Variants in AACS observed in about 807,000 individuals in gnomAD.
The protein encoded by AACS is acetoacetyl-CoA synthetase, also known as acetoacetate-CoA ligase.
AACS carries 69 observed loss-of-function variants against 83.1 expected under a neutral mutation model. That is an observed-to-expected ratio of 0.83 (90% CI 0.68 to 1.01). The LOEUF (loss-of-function observed/expected upper bound fraction) is 1.01, where lower values mean the gene tolerates loss of function less well. Among genes scored for constraint, AACS ranks in the 50% least tolerant of loss-of-function variants. AACS has a pLI of 0.00. For synonymous variants in AACS, 333 were observed against 343.4 expected (o/e 0.97, Z 0.33); for missense variants, 866 against 882.2 (o/e 0.98, Z 0.23).
chr12:125,102,730 G>A lies in AACS; in HGVS notation c.622G>A (p.Glu208Lys). The part of the protein sequence containing the change: ...QIQPKLIFSV[E>K]AVVYNGKEHN... ...TCAGCCAAAGCTCATCTTCTCTGTG[G>A]AGGCTGTTGTCTATAATGGCAAAGA... The change falls in exon 6 of 18, where the codon GAG becomes AAG. Residue 208 changes from glutamate (E) to lysine (K), a missense_variant. Glu to Lys is a moderately conservative substitution (Grantham distance 56, BLOSUM62 1). Coordinates refer to ENST00000316519, the MANE Select transcript of AACS (RefSeq NM_023928.5). The A allele has an allele frequency of 6.2e-7, 1 of 1,614,158 alleles. No homozygotes were observed. The highest frequency in any genetic ancestry group is 8.5e-7 in the Non-Finnish European group (1 of 1,180,024).
chr12:125,128,769 A>G (rs1957285089), intron 13 of AACS: 2 of 154,616 alleles, frequency 1.3e-5, no homozygotes, highest in African/African-American at 4.8e-5. Context: ...TGGGAATGCC[A>G]CTCCCAGAAG....
At position 125,142,292 on chromosome 12, in the gene AACS, G is replaced by A; in HGVS notation, c.*63G>A. The A allele has an allele frequency of 1.9e-6, 3 of 1,586,060 alleles. No homozygotes were observed. The highest frequency in any genetic ancestry group is 8.6e-7 in the Non-Finnish European group (1 of 1,162,042). ...TGCACTGTAACTTTTGTGTGCTCAAGAAATTATACAGAAACCTACAGCTGT... is the reference window on the plus strand; with the variant it reads ...TGCACTGTAACTTTTGTGTGCTCAAAAAATTATACAGAAACCTACAGCTGT... On this transcript the variant is annotated 3_prime_UTR_variant, in exon 18 of 18. Transcript: ENST00000316519.
At chr12:125,131,506 C>T (rs1957328336) in intron 14 of AACS, among the ~76,000 whole-genome samples, 1 of 152,066 alleles carries the variant, frequency 6.6e-6, no homozygotes, top group Admixed American at 6.5e-5. Context: ...GCCACCACAC[C>T]CGGCCTTGTG....
chr12:125,112,681 A>AAAAAAAAAAAAAC (rs1956979748), intron 8 of AACS, among the ~76,000 whole-genome samples: 1 of 151,362 alleles, frequency 6.6e-6, no homozygotes, highest in East Asian at 1.9e-4. Flanking sequence ...TCTGTCTCAA[A>AAAAAAAAAAAAAC]AAAAAAAAAA....
chr12:125,141,805 C>T (rs561957014), intron 17 of AACS: 35 of 295,356 alleles, frequency 1.2e-4, no homozygotes, highest in African/African-American at 7.6e-4. Context: ...TGCCAGGGGG[C>T]GGGGGTGGGG....
At chr12:125,111,831 T>C (rs1306018245) in intron 8 of AACS, among the ~76,000 whole-genome samples, 1 of 152,182 alleles carries the variant, frequency 6.6e-6, no homozygotes, top group Admixed American at 6.5e-5. Flanking sequence ...GACTTGACCA[T>C]AAATATTTAA....
Position 125,130,528 on chromosome 12 carries a change from A to AATGATG in AACS, c.1549+1069_1549+1074dup, listed in dbSNP as rs766155033. Reference sequence around the variant, plus strand: ...TCTCAGCTTGAGGATCCATCCAAGAAATGATGGCCCTTCATCTTCTGTAAC... The same window carrying AATGATG: ...TCTCAGCTTGAGGATCCATCCAAGAAATGATGATGATGGCCCTTCATCTTCTGTAAC... On this transcript the variant is annotated intron_variant, in intron 14 of 17. Transcript: ENST00000316519. This position sits in a 1 kb window ranked among gnomAD's most constrained non-coding sequence, Gnocchi z 4.9. Among the ~76,000 whole-genome samples the AATGATG allele has an allele frequency of 1.5e-4, 23 of 152,228 alleles. No individual in the cohort carries two copies. Among genetic ancestry groups the AATGATG allele is most frequent in the Admixed American group, 5.9e-4 (9 of 15,282 alleles).
rs908856816 is a variant in AACS, at chr12:125,074,670, T to G, written c.237+691T>G. ...ATTTACATTGTTGTAGTTTTTTTTT[T>G]TTTTTTTTTTTGAGGTGGAGTCTTG... On this transcript the variant is annotated intron_variant, in intron 2 of 17. Coordinates refer to ENST00000316519, the MANE Select transcript of AACS (RefSeq NM_023928.5). 1.5e-3 allele frequency among the ~76,000 whole-genome samples: 217 copies of G among 146,698 alleles called. 1 individual carries two copies. Among genetic ancestry groups the G allele is most frequent in the Non-Finnish European group, 2.7e-3 (180 of 66,196 alleles).
intron 17 of AACS, among the ~76,000 whole-genome samples, chr12:125,137,716 G>A (rs12581512): frequency 0.33 from 50,510 of 152,058 alleles, 8,766 homozygotes; most frequent in East Asian, 0.54. Context: ...CGGATACCCC[G>A]CAAGCTGACA....
chr12:125,088,785 C>T (rs562843722), intron 4 of AACS, among the ~76,000 whole-genome samples: 1 of 152,330 alleles, frequency 6.6e-6, no homozygotes, highest in South Asian at 2.1e-4. Flanking sequence ...CGCCTGGCCG[C>T]GATGCCCTGG....
chr12:125,068,230 G>A (rs573753884), intron 1 of AACS, among the ~76,000 whole-genome samples: 1 of 152,296 alleles, frequency 6.6e-6, no homozygotes, highest in South Asian at 2.1e-4. Context: ...GCTGAGATGG[G>A]TGGATCTTTT....
rs1386753359 is a variant in AACS, at chr12:125,124,462, G to C, written c.1122-243G>C. On this transcript the variant is annotated intron_variant, in intron 10 of 17. Coordinates refer to ENST00000316519, the MANE Select transcript of AACS (RefSeq NM_023928.5). ...CGGGTGAGCGACTGTTTTATGTGAC[G>C]CCTCGTGGTAAAGGGAGCTGGCCCT... The C allele has an allele frequency of 7.3e-6, 4 of 549,308 alleles. No individual in the cohort carries two copies. In the African/African-American group the frequency reaches 7.5e-5, roughly 10 times the overall value. 34.0% of individuals were successfully genotyped at this position (549,308 alleles called of 1,614,324 possible).
chr12:125,127,917 G>A (rs151126662), intron 12 of AACS: 363 of 349,586 alleles, frequency 1.0e-3, no homozygotes, highest in Non-Finnish European at 1.5e-3. Context: ...TTTACTTAGC[G>A]GATCCTCTGG....
At position 125,134,073 on chromosome 12, in the gene AACS, G is replaced by T; in HGVS notation, c.1619+1G>T. ...GGGGCATCGTCATGCTTGGCCGGAG[G>T]TAAGGGCTGCAGAGTCGGCTTCTCT... On this transcript the variant is annotated splice_donor_variant, in intron 15 of 17. Transcript: ENST00000316519. LOFTEE classifies it high-confidence loss of function. 1 of 1,613,864 alleles carries T rather than the reference G, an allele frequency of 6.2e-7. No individual in the cohort carries two copies. The highest frequency in any genetic ancestry group is 8.5e-7 in the Non-Finnish European group (1 of 1,179,942).
intron 3 of AACS, among the ~76,000 whole-genome samples, chr12:125,077,491 C>T (rs979837220): frequency 7.1e-6 from 1 of 140,110 alleles, no homozygotes; most frequent in African/African-American, 2.7e-5. Context: ...GGCTGGGCGA[C>T]AGAGTGAGAC....
rs2136080461 is a variant in AACS, at chr12:125,094,493, G to T, written c.570+2970G>T. ...CTGTCCACTGAGAGCTCCTCGGCTG[G>T]CTGTGCTGGGTGCTGAAGGGACCCT... On this transcript the variant is annotated intron_variant, in intron 5 of 17. Coordinates refer to ENST00000316519, the MANE Select transcript of AACS (RefSeq NM_023928.5). The surrounding 1 kb of genome is among the most constrained non-coding windows in gnomAD (Gnocchi z 4.1). Among the ~76,000 whole-genome samples, 1 of 152,326 alleles carries T rather than the reference G, an allele frequency of 6.6e-6. No homozygotes were observed. Among genetic ancestry groups the T allele is most frequent in the African/African-American group, 2.4e-5 (1 of 41,584 alleles).
At chr12:125,116,584 C>G (rs961403564) in intron 9 of AACS, among the ~76,000 whole-genome samples, 1 of 152,194 alleles carries the variant, frequency 6.6e-6, no homozygotes, top group Non-Finnish European at 1.5e-5. Flanking sequence ...CTGCCTCAGC[C>G]TCCCGAGTAG....
chr12:125,098,879 T>C (rs1956666346), intron 5 of AACS, among the ~76,000 whole-genome samples: 2 of 152,262 alleles, frequency 1.3e-5, no homozygotes, highest in Non-Finnish European at 2.9e-5. Context: ...TCACAGATTT[T>C]GTGTGCAGCT....
chr12:125,080,020 C>G (rs1956131429), intron 3 of AACS, among the ~76,000 whole-genome samples: 1 of 152,174 alleles, frequency 6.6e-6, no homozygotes, highest in Admixed American at 6.5e-5. Context: ...CACATTGTAG[C>G]ATGGATCAGT....
Sources: gnomAD v4.1 joint callset for allele counts (sites outside exome capture counted in the v4.1 genomes callset) on GRCh38, gnomAD v4.1.1 for gene constraint, Gnocchi (gnomAD v3.1) non-coding constraint, MANE v1.5 for transcripts, NCBI Gene and HGNC (gene_info 2026-07-23, HGNC 2026-07-21) for gene names.